CSMD2: variants seen among roughly 807,000 people sequenced by gnomAD.
CSMD2 encodes CUB and Sushi multiple domains 2, also known as CUB and sushi domain-containing protein 2.
In CSMD2, 130 loss-of-function variants were observed where a neutral mutation model predicts 398.5. The observed-to-expected ratio is 0.33, with a 90% CI of 0.28 to 0.38. CSMD2 has a LOEUF of 0.38. Ranked by LOEUF, CSMD2 falls within the 10% of genes least tolerant of loss-of-function variation. CSMD2 has a pLI of 1.00. For missense variants in CSMD2, 3,829 were observed against 4,764.9 expected, an observed-to-expected ratio of 0.80 and a Z score of 5.78; for synonymous variants, 1,828 against 1,908.5, an observed-to-expected ratio of 0.96 and a Z score of 1.10.
intron 1 of CSMD2, among the ~76,000 whole-genome samples, chr1:34,128,408 C>A (rs1342197966): frequency 6.6e-6 from 1 of 152,226 alleles, no homozygotes; most frequent in African/African-American, 2.4e-5. Context: ...GCGCTCGGGT[C>A]TGAGGGTGTG....
intron 3 of CSMD2, among the ~76,000 whole-genome samples, chr1:33,955,550 C>T (rs149612305): frequency 2.6e-5 from 4 of 152,284 alleles, no homozygotes; most frequent in African/African-American, 9.6e-5. Context: ...ATCTTTTACT[C>T]CCGCTTACTC....
intron 7 of CSMD2, among the ~76,000 whole-genome samples, chr1:33,823,810 A>C (rs1658467366): frequency 6.6e-6 from 1 of 152,212 alleles, no homozygotes; most frequent in Non-Finnish European, 1.5e-5. Flanking sequence ...AGAGATATAT[A>C]TATTTATTTT....
At chr1:33,993,230 G>C (rs1216101644) in intron 3 of CSMD2, among the ~76,000 whole-genome samples, 1 of 152,190 alleles carries the variant, frequency 6.6e-6, no homozygotes, top group African/African-American at 2.4e-5. Context: ...AGGCAGGAGA[G>C]GGCTGGTGAA....
intron 13 of CSMD2, among the ~76,000 whole-genome samples, chr1:33,770,241 T>C (rs1341581733): frequency 6.6e-6 from 1 of 152,240 alleles, no homozygotes; most frequent in Admixed American, 6.5e-5. Flanking sequence ...GATAGGTCAG[T>C]ACATGAAAAT....
intron 13 of CSMD2, among the ~76,000 whole-genome samples, chr1:33,767,105 G>A (rs1305329542): frequency 6.6e-6 from 1 of 152,192 alleles, no homozygotes; most frequent in Non-Finnish European, 1.5e-5. Context: ...GGTTGAATAA[G>A]TCATGGTTTA....
At chr1:33,731,947 T>G (rs1646733129) in intron 15 of CSMD2, among the ~76,000 whole-genome samples, 1 of 151,892 alleles carries the variant, frequency 6.6e-6, no homozygotes. Flanking sequence ...GGGGAATGGG[T>G]GGGGATATAA....
At chr1:33,743,654 C>T in intron 13 of CSMD2, 48 bp from the exon 14 acceptor site, 1 of 1,359,634 alleles carries the variant, frequency 7.4e-7, no homozygotes. Context: ...CAACATTCTG[C>T]CTGCACCACT....
chr1:34,165,650 G>T (rs1428543542), upstream of CSMD2: 46 of 1,070,854 alleles, frequency 4.3e-5, no homozygotes, highest in Non-Finnish European at 6.4e-5. Context: ...ACACACACAG[G>T]CACATACACG....
At chr1:34,103,472 ACG>A (rs1660211878) in intron 1 of CSMD2, among the ~76,000 whole-genome samples, 1 of 150,756 alleles carries the variant, frequency 6.6e-6, no homozygotes, top group Non-Finnish European at 1.5e-5. Context: ...CTAATTTTTC[ACG>A]TTTTTAGTAG....
intron 12 of CSMD2, among the ~76,000 whole-genome samples, chr1:33,777,481 C>T (rs1418554153): frequency 6.6e-6 from 1 of 152,190 alleles, no homozygotes; most frequent in Non-Finnish European, 1.5e-5. Flanking sequence ...CTGCAAAGGG[C>T]TCCCTGTGCT....
intron 5 of CSMD2, 134 bp from the exon 6 acceptor site, chr1:33,847,130 G>A: frequency 1.8e-6 from 1 of 567,314 alleles, no homozygotes; most frequent in East Asian, 3.5e-5. Context: ...GGAAGGCGGT[G>A]TTGCCCCAGG....
At chr1:34,047,002 C>A (rs1016470802) in intron 2 of CSMD2, among the ~76,000 whole-genome samples, 8 of 152,126 alleles carry the variant, frequency 5.3e-5, no homozygotes, top group African/African-American at 1.9e-4. Flanking sequence ...CCTACAGATC[C>A]TCTTTAACAC....
intron 40 of CSMD2, among the ~76,000 whole-genome samples, chr1:33,611,478 T>C (rs1641001190): frequency 6.6e-6 from 1 of 152,214 alleles, no homozygotes. Context: ...AAGGCATCAG[T>C]CATTTCAGAG....
At chr1:33,912,318 A>G (rs902728176) in intron 5 of CSMD2, among the ~76,000 whole-genome samples, 1 of 152,122 alleles carries the variant, frequency 6.6e-6, no homozygotes, top group Non-Finnish European at 1.5e-5. Context: ...ACAGAGTCAC[A>G]GCCAAGGAAA....
chr1:33,822,208 C>G (rs1351379697), intron 7 of CSMD2, among the ~76,000 whole-genome samples: 1 of 152,090 alleles, frequency 6.6e-6, no homozygotes, highest in Non-Finnish European at 1.5e-5. Flanking sequence ...AGACATGAGA[C>G]AGCAGGAATG....
intron 57 of CSMD2, 88 bp from the exon 58 acceptor site, chr1:33,542,984 G>T: frequency 9.2e-7 from 1 of 1,087,602 alleles, no homozygotes; most frequent in Non-Finnish European, 1.3e-6. Context: ...GAAGCCACAT[G>T]CTACCTCGGG....
chr1:33,614,749 C>G, intron 39 of CSMD2, 129 bp from the exon 40 acceptor site: 1 of 593,000 alleles, frequency 1.7e-6, no homozygotes, highest in Non-Finnish European at 3.1e-6. Context: ...CCTTGAGAAT[C>G]CAAAGGAATC....
chr1:33,957,807 T>G (rs1645216862), intron 3 of CSMD2, among the ~76,000 whole-genome samples: 3 of 152,112 alleles, frequency 2.0e-5, no homozygotes, highest in Admixed American at 1.3e-4. Flanking sequence ...GGTTCCCAGA[T>G]CTGGGTTCCC....
intron 5 of CSMD2, among the ~76,000 whole-genome samples, chr1:33,895,404 G>T (rs984046079): frequency 6.6e-6 from 1 of 152,154 alleles, no homozygotes; most frequent in Non-Finnish European, 1.5e-5. Flanking sequence ...CTACATGGGG[G>T]TACTGGGAAA....
Sources: allele counts gnomAD v4.1 joint callset (sites outside exome capture counted in the v4.1 genomes callset), GRCh38; gene constraint gnomAD v4.1.1; transcripts MANE v1.5; gene names NCBI Gene and HGNC (gene_info 2026-07-23, HGNC 2026-07-21).